Variants in PTPRO observed in about 807,000 individuals in gnomAD.
PTPRO encodes the protein protein tyrosine phosphatase receptor type O.
Under a neutral mutation model 145.2 loss-of-function variants are expected in PTPRO, and 62 were observed. The observed-to-expected ratio is 0.43, with a 90% CI of 0.35 to 0.53. The LOEUF is 0.53. Among genes scored for constraint, PTPRO ranks in the 20% least tolerant of loss-of-function variants. PTPRO has a pLI of 0.01. For synonymous variants in PTPRO, 565 were observed against 514.7 expected (o/e 1.10, Z -1.32); for missense variants, 1,345 against 1,482.7 (o/e 0.91, Z 1.53).
intron 18 of PTPRO, among the ~76,000 whole-genome samples, chr12:15,567,330 C>T (rs1176764395): frequency 6.6e-6 from 1 of 152,094 alleles, no homozygotes; most frequent in African/African-American, 2.4e-5. Flanking sequence ...CCCCTGGTTC[C>T]CATTTTCTAT....
intron 1 of PTPRO, among the ~76,000 whole-genome samples, chr12:15,418,609 G>A (rs768240950): frequency 2.0e-5 from 3 of 151,706 alleles, no homozygotes; most frequent in East Asian, 1.9e-4. Context: ...ACCCACATCA[G>A]CATCATAGAG....
At chr12:15,460,505 G>A (rs971823934) in intron 1 of PTPRO, among the ~76,000 whole-genome samples, 1 of 152,106 alleles carries the variant, frequency 6.6e-6, no homozygotes, top group African/African-American at 2.4e-5. Flanking sequence ...ATAATGAAGA[G>A]AGTCTTCATT....
chr12:15,524,728 A>G (rs755339436), intron 10 of PTPRO, 86 bp from the exon 11 acceptor site: 99 of 1,420,536 alleles, frequency 7.0e-5, no homozygotes, highest in South Asian at 2.5e-4. Flanking sequence ...CGCTAAGTTG[A>G]CTCTATATGG....
chr12:15,486,268 T>C (rs184552374), intron 2 of PTPRO, among the ~76,000 whole-genome samples: 11 of 152,322 alleles, frequency 7.2e-5, no homozygotes, highest in Non-Finnish European at 7.3e-5. Flanking sequence ...CTTGATAAAC[T>C]GACCCTTTTG....
intron 12 of PTPRO, among the ~76,000 whole-genome samples, chr12:15,535,990 A>T (rs372749486): frequency 6.6e-6 from 1 of 152,304 alleles, no homozygotes; most frequent in African/African-American, 2.4e-5. Flanking sequence ...GATACATAGA[A>T]ATCTGTAGGC....
At chr12:15,485,499 T>C (rs1241052611) in intron 2 of PTPRO, among the ~76,000 whole-genome samples, 1 of 152,146 alleles carries the variant, frequency 6.6e-6, no homozygotes, top group Non-Finnish European at 1.5e-5. Flanking sequence ...CATAAACACC[T>C]AGCCCAAGCC....
intron 12 of PTPRO, among the ~76,000 whole-genome samples, chr12:15,534,844 G>A (rs1235711659): frequency 6.6e-6 from 1 of 152,180 alleles, no homozygotes; most frequent in Non-Finnish European, 1.5e-5. Flanking sequence ...AATGAAAGTA[G>A]GGGAACTAAT....
chr12:15,594,606 G>C (rs2135681750), intron 25 of PTPRO, among the ~76,000 whole-genome samples: 1 of 151,726 alleles, frequency 6.6e-6, no homozygotes, highest in South Asian at 2.1e-4. Context: ...TAACTAGCTT[G>C]ATTGTGGTAA....
At chr12:15,579,972 G>C in intron 20 of PTPRO, 67 bp from the exon 21 acceptor site, 2 of 1,281,342 alleles carry the variant, frequency 1.6e-6, no homozygotes, top group Non-Finnish European at 2.3e-6. Flanking sequence ...ATATTGGATA[G>C]AAAGGGCCAA....
intron 2 of PTPRO, among the ~76,000 whole-genome samples, chr12:15,489,423 A>G (rs1941954766): frequency 6.6e-6 from 1 of 152,196 alleles, no homozygotes; most frequent in African/African-American, 2.4e-5. Context: ...TACATCCTTA[A>G]CAAGGGGGTG....
At chr12:15,491,742 A>G (rs937681691) in intron 2 of PTPRO, among the ~76,000 whole-genome samples, 2 of 152,220 alleles carry the variant, frequency 1.3e-5, no homozygotes, top group African/African-American at 2.4e-5. Flanking sequence ...CAAAGCCACA[A>G]TAGTTCTCTA....
At chr12:15,552,795 CTTTTTT>C (rs747379253) in intron 15 of PTPRO, among the ~76,000 whole-genome samples, 1 of 91,548 alleles carries the variant, frequency 1.1e-5, no homozygotes, top group Admixed American at 1.6e-4. Flanking sequence ...GAGGTCAAAT[CTTTTTT>C]TTTTTTTTTT....
intron 1 of PTPRO, among the ~76,000 whole-genome samples, chr12:15,372,823 G>A (rs1591752955): frequency 1.3e-5 from 2 of 152,062 alleles, no homozygotes. Context: ...TTCCCCTATA[G>A]TAGACTGAGA....
chr12:15,569,686 G>A (rs528586912), intron 19 of PTPRO, among the ~76,000 whole-genome samples, 188 bp downstream of exon 19: 3 of 152,292 alleles, frequency 2.0e-5, no homozygotes, highest in Admixed American at 2.0e-4. Flanking sequence ...GCCTCAGGTG[G>A]CACAAATGAG....
At chr12:15,487,192 A>T (rs774293907) in intron 2 of PTPRO, among the ~76,000 whole-genome samples, 13 of 152,022 alleles carry the variant, frequency 8.6e-5, no homozygotes, top group Non-Finnish European at 1.2e-4. Flanking sequence ...GCTTAGGCAG[A>T]CCCTGTGATG....
intron 1 of PTPRO, among the ~76,000 whole-genome samples, chr12:15,441,275 A>G (rs1311543704): frequency 6.6e-6 from 1 of 152,260 alleles, no homozygotes; most frequent in Non-Finnish European, 1.5e-5. Flanking sequence ...CAATGAAATC[A>G]AGGCAGAAAT....
At chr12:15,528,016 G>A (rs931333017) in intron 12 of PTPRO, among the ~76,000 whole-genome samples, 2 of 152,140 alleles carry the variant, frequency 1.3e-5, no homozygotes, top group African/African-American at 2.4e-5. Context: ...ACACAGAAAA[G>A]CAATTCAGAA....
chr12:15,380,621 T>A (rs980859279), intron 1 of PTPRO, among the ~76,000 whole-genome samples: 1 of 152,210 alleles, frequency 6.6e-6, no homozygotes, highest in African/African-American at 2.4e-5. Flanking sequence ...ATTTTGCTAG[T>A]GGCCCACAGG....
At chr12:15,443,389 A>T (rs1332158611) in intron 1 of PTPRO, among the ~76,000 whole-genome samples, 1 of 152,192 alleles carries the variant, frequency 6.6e-6, no homozygotes, top group African/African-American at 2.4e-5. Context: ...TTCAAACTAT[A>T]AGAATTCTAG....
Sources: gnomAD v4.1 joint callset for allele counts (sites outside exome capture counted in the v4.1 genomes callset) on GRCh38, gnomAD v4.1.1 for gene constraint, MANE v1.5 for transcripts, NCBI Gene and HGNC (gene_info 2026-07-23, HGNC 2026-07-21) for gene names.